The following MFN2 variants were observed in gnomAD, a reference collection of about 807,000 sequenced individuals.
MFN2 encodes mitofusin-2.
Under a neutral mutation model 87.5 loss-of-function variants are expected in MFN2, and 43 were observed. That is an observed-to-expected ratio of 0.49 (90% CI 0.38 to 0.63). The LOEUF is 0.63. Ranked by LOEUF, MFN2 falls within the 30% of genes least tolerant of loss-of-function variation. The probability of loss-of-function intolerance (pLI) is 0.00; values close to 1 mark genes in which losing one functional copy is unlikely to be tolerated. For missense variants in MFN2, 743 were observed against 972.8 expected, an observed-to-expected ratio of 0.76 and a Z score of 3.14; for synonymous variants, 337 against 359.9, an observed-to-expected ratio of 0.94 and a Z score of 0.72.
Position 12,004,651 on chromosome 1 carries a change from C to G in MFN2, c.1392+38C>G. ...GCAACAGGTCCTCTTGGCAGGAGGC[C>G]CCCAAAAGTGATTCAACCCCTGTTG... On this transcript the variant is annotated intron_variant, in intron 13 of 18. Coordinates refer to ENST00000235329, the MANE Select transcript of MFN2 (RefSeq NM_014874.4). This position sits in a 1 kb window ranked among gnomAD's most constrained non-coding sequence, Gnocchi z 4.2. The G allele has an allele frequency of 6.3e-7, 1 of 1,592,424 alleles. No individual in the cohort carries two copies. Among genetic ancestry groups the G allele is most frequent in the East Asian group, 2.2e-5 (1 of 44,788 alleles).
chr1:11,992,778 G>A, intron 4 of MFN2, 88 bp downstream of exon 4: 2 of 1,514,960 alleles, frequency 1.3e-6, no homozygotes, highest in Non-Finnish European at 1.8e-6. Context: ...GTTCCAGGCA[G>A]GGACATGCTT....
At chr1:11,986,627 A>G (rs1159006754) in intron 2 of MFN2, among the ~76,000 whole-genome samples, 10 of 126,604 alleles carry the variant, frequency 7.9e-5, no homozygotes, top group Non-Finnish European at 1.1e-4. Context: ...GTCTTGCTCT[A>G]TTGCTCAGGC....
intron 18 of MFN2, among the ~76,000 whole-genome samples, chr1:12,010,470 G>A (rs1279766362): frequency 1.3e-5 from 2 of 152,254 alleles, no homozygotes; most frequent in African/African-American, 4.8e-5. Flanking sequence ...AGCAGCCCCC[G>A]CACTCTGATT....
chr1:12,010,245 A>G (rs1394295255), intron 18 of MFN2, among the ~76,000 whole-genome samples: 1 of 152,260 alleles, frequency 6.6e-6, no homozygotes, highest in African/African-American at 2.4e-5. Flanking sequence ...GCTGCCTTCA[A>G]GGCACTTGCA....
In MFN2 at chr1:11,996,225, C is replaced by T. The variant is rs186259918; in HGVS notation, c.381C>T (p.Gly127=). Residue 127 remains glycine (G), a synonymous_variant, in exon 5 of 19, where the codon GGC becomes GGT. Transcript: ENST00000235329. ...LWDKVLPSGI[G]HTTNCFLRVE... is the part of the protein sequence containing the mutation. ...ACAAAGTTCTGCCCTCTGGGATTGG[C>T]CACACCACCAATTGCTTCCTGCGGG... The T allele has an allele frequency of 2.4e-5, 39 of 1,614,202 alleles. No homozygotes were observed. In the East Asian group the frequency reaches 8.5e-4, roughly 35 times the overall value.
intron 11 of MFN2, among the ~76,000 whole-genome samples, chr1:12,002,572 C>G (rs1169747037): frequency 2.6e-5 from 4 of 152,180 alleles, no homozygotes; most frequent in Non-Finnish European, 5.9e-5. Flanking sequence ...CCTGTAGTTC[C>G]AGCTACTTGG....
At chr1:11,988,195 C>G (rs897094712) in intron 2 of MFN2, among the ~76,000 whole-genome samples, 2 of 151,708 alleles carry the variant, frequency 1.3e-5, no homozygotes, top group Non-Finnish European at 2.9e-5. Flanking sequence ...CTCCGCCTCC[C>G]AGGTTCAAGC....
intron 8 of MFN2, among the ~76,000 whole-genome samples, chr1:11,999,580 ACTC>A: frequency 6.6e-6 from 1 of 150,394 alleles, no homozygotes; most frequent in African/African-American, 2.4e-5. Context: ...CTGGTTTTGA[ACTC>A]CTGGGCTCAG....
chr1:12,011,466 C>A, intron 18 of MFN2, 30 bp from the exon 19 acceptor site: 1 of 1,612,904 alleles, frequency 6.2e-7, no homozygotes, highest in Non-Finnish European at 8.5e-7. Context: ...CATCAGCTAT[C>A]ATGGTTACAA....
At chr1:11,996,766 G>C (rs1259268025) in intron 5 of MFN2, among the ~76,000 whole-genome samples, 1 of 152,128 alleles carries the variant, frequency 6.6e-6, no homozygotes, top group Non-Finnish European at 1.5e-5. Context: ...GGTCGGGCAC[G>C]GTGGCTCACG....
At chr1:11,980,545 A>T in intron 1 of MFN2, 61 bp downstream of exon 1, 1 of 397,768 alleles carries the variant, frequency 2.5e-6, no homozygotes, top group Non-Finnish European at 4.4e-6. Context: ...GCGAGTCCTG[A>T]GCAGCTCGGC....
chr1:12,005,909 C>A lies in MFN2; in HGVS notation c.1694C>A (p.Ala565Asp), dbSNP rs770243526. 1.3e-5 allele frequency: 21 copies of A among 1,613,652 alleles called. No individual in the cohort carries two copies. Among genetic ancestry groups the A allele is most frequent in the Non-Finnish European group, 1.6e-5 (19 of 1,180,024 alleles). ...CTGGGCCCCAAGAACAGCCGTCGGG[C>A]CTTGATGGGCTACAATGACCAGGCA... ...RFLGPKNSRR[A>D]LMGYNDQVQR... Residue 565 changes from alanine (A) to aspartate (D), a missense_variant, in exon 15 of 19, where the codon GCC (alanine) becomes GAC (aspartate). Transcript: ENST00000235329.
At chr1:11,997,969 C>T (rs368004585) in intron 6 of MFN2, among the ~76,000 whole-genome samples, 134 of 149,360 alleles carry the variant, frequency 9.0e-4, no homozygotes, top group African/African-American at 3.0e-3. Context: ...CTGCAACCTC[C>T]GCCTCCCGGG....
chr1:11,992,758 G>T (rs1638746450), intron 4 of MFN2, 68 bp downstream of exon 4: 3 of 1,592,778 alleles, frequency 1.9e-6, no homozygotes, highest in Non-Finnish European at 2.6e-6. Flanking sequence ...TTTGTGCAAG[G>T]TCACAGAACG....
intron 2 of MFN2, among the ~76,000 whole-genome samples, chr1:11,988,532 C>T (rs114384927): frequency 0.013 from 1,931 of 151,458 alleles, 37 homozygotes; most frequent in Middle Eastern, 0.044. Context: ...AGCCACTGAA[C>T]CTGGCCCCTA....
rs566381607 is a variant in MFN2, at chr1:11,991,071, C to T, written c.176-1484C>T. On this transcript the variant is annotated intron_variant, in intron 3 of 18. Coordinates refer to ENST00000235329, the MANE Select transcript of MFN2 (RefSeq NM_014874.4). ...TCTGTGTTCCAGCCAGCTGAAGCACCTGTCTGGTGCGAGTTCTAGACAGGA... is the reference window on the plus strand; with the variant it reads ...TCTGTGTTCCAGCCAGCTGAAGCACTTGTCTGGTGCGAGTTCTAGACAGGA... Among the ~76,000 whole-genome samples, 75 of 152,350 alleles carry T rather than the reference C, an allele frequency of 4.9e-4. 2 individuals carry two copies. The highest frequency in any genetic ancestry group is 3.9e-3 in the Admixed American group (59 of 15,298).
chr1:12,006,982 G>A, intron 16 of MFN2, 71 bp from the exon 17 acceptor site: 1 of 1,576,094 alleles, frequency 6.3e-7, no homozygotes, highest in South Asian at 1.1e-5. Context: ...AGATGGCCCT[G>A]GTAGTGATGG....
Position 12,011,857 on chromosome 1 carries a change from T to C in MFN2, c.*292T>C. 2.0e-6 allele frequency: 1 copy of C among 510,028 alleles called. No homozygotes were observed. Among genetic ancestry groups the C allele is most frequent in the Non-Finnish European group, 3.6e-6 (1 of 280,326 alleles). The allele number at this position is 510,028 out of a possible 1,614,324, so 31.6% of individuals were successfully genotyped here. ...GCTTTTTCCAGCTTTCTCTGGTTCA[T>C]TTGATTGCTTGATAAGGCCTCAGGA... is the stretch of plus-strand genomic sequence containing the variant. On this transcript the variant is annotated 3_prime_UTR_variant, in exon 19 of 19. Transcript: ENST00000235329.
chr1:12,009,447 A>AT, intron 17 of MFN2, 145 bp from the exon 18 acceptor site: 1 of 1,125,460 alleles, frequency 8.9e-7, no homozygotes, highest in Non-Finnish European at 1.3e-6. Context: ...GGTGTAGGAG[A>AT]TTCTGCCAAA....
Sources: allele counts gnomAD v4.1 joint callset (sites outside exome capture counted in the v4.1 genomes callset), GRCh38; gene constraint gnomAD v4.1.1; non-coding constraint Gnocchi (gnomAD v3.1); transcripts MANE v1.5; gene names NCBI Gene and HGNC (gene_info 2026-07-23, HGNC 2026-07-21).